The following BEND4 variants were observed in gnomAD, a reference collection of about 807,000 sequenced individuals.
BEND4 encodes the protein BEN domain-containing protein 4.
A neutral mutation model predicts 54.7 loss-of-function variants in BEND4; 27 were observed. That is an observed-to-expected ratio of 0.49 (90% CI 0.36 to 0.68). The LOEUF is 0.68. Ranked by LOEUF, BEND4 falls within the 30% of genes least tolerant of loss-of-function variation. BEND4 has a pLI of 0.00. For missense variants in BEND4, 702 were observed against 697.2 expected (o/e 1.01, Z -0.08); for synonymous variants, 327 against 299.5 (o/e 1.09, Z -0.95).
intron 3 of BEND4, among the ~76,000 whole-genome samples, chr4:42,134,049 T>C (rs529433064): frequency 6.6e-6 from 1 of 152,350 alleles, no homozygotes; most frequent in East Asian, 1.9e-4. Context: ...CTGTGCTGTC[T>C]TGTATGAGCA....
In BEND4 at chr4:42,120,201, G is replaced by A; in HGVS notation, c.1240C>T (p.Leu414Phe). ...ACAAATCTGATGAGGTATCGAAGGA[G>A]CCGTCTCCCATCTTTCTTTGAAGAA... is the stretch of plus-strand genomic sequence containing the variant. ...VNSSKKDGRR[L>F]LRYLIRFVFT... The change falls in exon 5 of 6, where the codon CTC becomes TTC. Residue 414 changes from leucine to phenylalanine, a missense_variant. By Grantham distance (22) the Leu-to-Phe change is conservative (BLOSUM62 0). Transcript: ENST00000502486. The A allele has an allele frequency of 6.2e-7, 1 of 1,613,962 alleles. No homozygotes were observed. Among genetic ancestry groups the A allele is most frequent in the Non-Finnish European group, 8.5e-7 (1 of 1,179,892 alleles).
In BEND4 at chr4:42,117,495, C is replaced by A. The variant is rs1299583276; in HGVS notation, c.*23G>T. The A allele has an allele frequency of 6.4e-7, 1 of 1,552,748 alleles. No individual in the cohort carries two copies. The highest frequency in any genetic ancestry group is 8.8e-7 in the Non-Finnish European group (1 of 1,133,416). On this transcript the variant is annotated 3_prime_UTR_variant, in exon 6 of 6. Coordinates refer to ENST00000502486, the MANE Select transcript of BEND4 (RefSeq NM_207406.4). The stretch of plus-strand genomic sequence containing the variant: ...TTGGAACTCTTGAGAGGACCAGCTG[C>A]TACAACAGGAAGATTCTGTCCACTA...
intron 3 of BEND4, among the ~76,000 whole-genome samples, chr4:42,138,560 C>CG (rs1433003356): frequency 2.6e-5 from 4 of 152,068 alleles, no homozygotes; most frequent in African/African-American, 9.7e-5. Flanking sequence ...TTAAGGCTAT[C>CG]GAACAGATTG....
At chr4:42,142,424 A>G (rs2153147100) in intron 3 of BEND4, among the ~76,000 whole-genome samples, 1 of 147,204 alleles carries the variant, frequency 6.8e-6, no homozygotes, top group Admixed American at 6.7e-5. Context: ...GTTTGAGACC[A>G]GTCTGGCCAA....
intron 3 of BEND4, among the ~76,000 whole-genome samples, chr4:42,126,521 T>C (rs551196144): frequency 6.6e-6 from 1 of 152,372 alleles, no homozygotes; most frequent in South Asian, 2.1e-4. Context: ...TTTGATCCCT[T>C]TGGTTATACA....
chr4:42,151,522 G>T, intron 2 of BEND4, 135 bp downstream of exon 2: 2 of 900,984 alleles, frequency 2.2e-6, no homozygotes, highest in Non-Finnish European at 3.0e-6. Flanking sequence ...TGCGCGGGGA[G>T]GCCCCAGGTG....
At chr4:42,144,421 C>A (rs369898194) in intron 2 of BEND4, among the ~76,000 whole-genome samples, 4 of 152,200 alleles carry the variant, frequency 2.6e-5, no homozygotes, top group East Asian at 3.8e-4. Flanking sequence ...TGCCCTCATG[C>A]CCTTGCTATT....
Position 42,114,448 on chromosome 4 carries a change from C to T in BEND4, c.*3070G>A, listed in dbSNP as rs1560572559. 1 of 152,224 alleles carries T rather than the reference C, an allele frequency of 6.6e-6. No homozygotes were observed. Among genetic ancestry groups the T allele is most frequent in the Non-Finnish European group, 1.5e-5 (1 of 68,086 alleles). 9.4% of individuals were successfully genotyped at this position (152,224 alleles called of 1,614,324 possible). On this transcript the variant is annotated 3_prime_UTR_variant, in exon 6 of 6. Transcript: ENST00000502486. ...CCAGCCCCGTGACCTCCTCCTCTCA[C>T]CAATTAAGTGGGGGCACAGCTGCAT... is the stretch of plus-strand genomic sequence containing the variant.
chr4:42,152,004 AC>A lies in BEND4; in HGVS notation c.139del (p.Val47TrpfsTer67). The A allele has an allele frequency of 8.0e-7, 1 of 1,254,484 alleles. No homozygotes were observed. The highest frequency in any genetic ancestry group is 1.0e-6 in the Non-Finnish European group (1 of 994,544). The allele number at this position is 1,254,484 out of a possible 1,614,324, so 77.7% of individuals were successfully genotyped here. On this transcript the variant is annotated frameshift_variant, in exon 2 of 6. Coordinates refer to ENST00000502486, the MANE Select transcript of BEND4 (RefSeq NM_207406.4). LOFTEE classifies it high-confidence loss of function. ...LAKRYERPTL[V>X]ELPHVRAPPP... is the part of the protein sequence containing the mutation. ...GGGCGCCCGCACGTGCGGCAGCTCC[AC>A]CAGGGTGGGTCGCTCGTAGCGCTTG... is the stretch of plus-strand genomic sequence containing the variant.
intron 3 of BEND4, among the ~76,000 whole-genome samples, chr4:42,126,537 C>CT (rs1248313772): frequency 1.3e-5 from 2 of 152,190 alleles, no homozygotes; most frequent in Non-Finnish European, 2.9e-5. Context: ...ATACATTTTA[C>CT]TATTAAACTA....
In BEND4 at chr4:42,114,492, A is replaced by C. The variant is rs757120061; in HGVS notation, c.*3026T>G. 6.6e-6 allele frequency: 1 copy of C among 152,152 alleles called. No homozygotes were observed. Among genetic ancestry groups the C allele is most frequent in the Non-Finnish European group, 1.5e-5 (1 of 68,020 alleles). The allele number at this position is 152,152 out of a possible 1,614,324, so 9.4% of individuals were successfully genotyped here. A position where few individuals can be genotyped will look rare whatever the true frequency, so the allele number is the denominator to read the frequency against. ...GCTGCATCCTGAGCTGTTTTAACTC[A>C]ATCTATTTTACACTACCAATGCTAA... On this transcript the variant is annotated 3_prime_UTR_variant, in exon 6 of 6. Coordinates refer to ENST00000502486, the MANE Select transcript of BEND4 (RefSeq NM_207406.4).
In BEND4 at chr4:42,117,277, A is replaced by G. The variant is rs1719875081; in HGVS notation, c.*241T>C. On this transcript the variant is annotated 3_prime_UTR_variant, in exon 6 of 6. Coordinates refer to ENST00000502486, the MANE Select transcript of BEND4 (RefSeq NM_207406.4). ...TTTTCACCCTCATGATCTAGCTAGT[A>G]ATCATTTAAAAATCAGATGTAGTTT... The G allele has an allele frequency of 7.3e-6, 3 of 413,040 alleles. No individual in the cohort carries two copies. Among genetic ancestry groups the G allele is most frequent in the Non-Finnish European group, 8.5e-6 (2 of 234,212 alleles). 25.6% of individuals were successfully genotyped at this position (413,040 alleles called of 1,614,324 possible). A position where few individuals can be genotyped will look rare whatever the true frequency, so the allele number is the denominator to read the frequency against.
chr4:42,120,972 G>C (rs1720035453), intron 4 of BEND4, among the ~76,000 whole-genome samples: 1 of 152,122 alleles, frequency 6.6e-6, no homozygotes, highest in Non-Finnish European at 1.5e-5. Flanking sequence ...GGGCTAAATA[G>C]CTGCAGTGGG....
chr4:42,121,971 C>G (rs889138134), intron 4 of BEND4, among the ~76,000 whole-genome samples: 32 of 152,100 alleles, frequency 2.1e-4, no homozygotes, highest in Admixed American at 2.1e-3. Flanking sequence ...CTGAGAGGAA[C>G]AGGCTCCTAA....
At chr4:42,145,835 G>C (rs7667105) in intron 2 of BEND4, among the ~76,000 whole-genome samples, 6,026 of 152,218 alleles carry the variant, frequency 0.04, 156 homozygotes, top group African/African-American at 0.073. Context: ...CTACTCAGTA[G>C]AGGATCATAA....
At chr4:42,133,049 G>A (rs1413206245) in intron 3 of BEND4, among the ~76,000 whole-genome samples, 6 of 152,102 alleles carry the variant, frequency 3.9e-5, no homozygotes, top group Admixed American at 3.3e-4. Context: ...ATACTTAAGA[G>A]GAAGAAAGGA....
At chr4:42,146,532 A>G (rs924143083) in intron 2 of BEND4, among the ~76,000 whole-genome samples, 1 of 152,272 alleles carries the variant, frequency 6.6e-6, no homozygotes, top group African/African-American at 2.4e-5. Flanking sequence ...AAACCAAATA[A>G]TAAGAAAGCC....
chr4:42,133,691 T>TAAA (rs1253418912), intron 3 of BEND4, among the ~76,000 whole-genome samples: 1 of 151,994 alleles, frequency 6.6e-6, no homozygotes, highest in Non-Finnish European at 1.5e-5. Context: ...CCGTCTCTAC[T>TAAA]AAAAATACAA....
At position 42,114,416 on chromosome 4, in the gene BEND4, T is replaced by C. The variant is rs968214164; in HGVS notation, c.*3102A>G. On this transcript the variant is annotated 3_prime_UTR_variant, in exon 6 of 6. Coordinates refer to ENST00000502486, the MANE Select transcript of BEND4 (RefSeq NM_207406.4). Reference sequence around the variant, plus strand: ...CAAAAAAGCCACATTTAGTCTTTGTTGTCAAGCCAGCCCCGTGACCTCCTC... The same window carrying C: ...CAAAAAAGCCACATTTAGTCTTTGTCGTCAAGCCAGCCCCGTGACCTCCTC... 1 of 152,262 alleles carries C rather than the reference T, an allele frequency of 6.6e-6. No homozygotes were observed. The highest frequency in any genetic ancestry group is 3.2e-3 in the Middle Eastern group (1 of 316). The allele number at this position is 152,262 out of a possible 1,614,324, so 9.4% of individuals were successfully genotyped here. A position where few individuals can be genotyped will look rare whatever the true frequency, so the allele number is the denominator to read the frequency against.
Sources: allele counts gnomAD v4.1 joint callset (sites outside exome capture counted in the v4.1 genomes callset), GRCh38; gene constraint gnomAD v4.1.1; transcripts MANE v1.5; gene names NCBI Gene and HGNC (gene_info 2026-07-23, HGNC 2026-07-21).